The following OPCML variants were observed in gnomAD, a reference collection of about 807,000 sequenced individuals.
OPCML encodes the protein opioid-binding protein/cell adhesion molecule.
Under a neutral mutation model 37.8 loss-of-function variants are expected in OPCML, and 13 were observed. The ratio of observed to expected loss-of-function variants is 0.34; its 90% confidence interval spans 0.22 to 0.55. OPCML has a LOEUF of 0.55. Ranked by LOEUF, OPCML falls within the 20% of genes least tolerant of loss-of-function variation. The pLI is 0.91. For missense variants in OPCML, 341 were observed against 435.6 expected (o/e 0.78, Z 1.93); for synonymous variants, 176 against 168.8 (o/e 1.04, Z -0.33).
At chr11:132,757,119 AG>A (rs2136085389) in intron 2 of OPCML, among the ~76,000 whole-genome samples, 1 of 152,292 alleles carries the variant, frequency 6.6e-6, no homozygotes, top group African/African-American at 2.4e-5. Context: ...GTCCCTCCAA[AG>A]GACATGAACT....
intron 1 of OPCML, among the ~76,000 whole-genome samples, chr11:133,250,393 AAAGAAGGAAAG>A (rs1941086041): frequency 6.6e-6 from 1 of 151,706 alleles, no homozygotes; most frequent in Non-Finnish European, 1.5e-5. Context: ...AGGAAGGAAG[AAAGAAGGAAAG>A]AAGAAGGAAG....
At chr11:133,220,415 A>C (rs933610460) in intron 1 of OPCML, among the ~76,000 whole-genome samples, 1 of 152,132 alleles carries the variant, frequency 6.6e-6, no homozygotes, top group Non-Finnish European at 1.5e-5. Flanking sequence ...GCTATTCCAC[A>C]TGAAGGCCAC....
chr11:133,068,882 G>T (rs1418919166), intron 1 of OPCML, among the ~76,000 whole-genome samples: 1 of 152,180 alleles, frequency 6.6e-6, no homozygotes, highest in African/African-American at 2.4e-5. Flanking sequence ...ATACCAAAGA[G>T]GTAGGTGGCG....
At chr11:133,005,840 C>T in intron 1 of OPCML, 1 of 985,340 alleles carries the variant, frequency 1.0e-6, no homozygotes, top group Non-Finnish European at 1.2e-6. Context: ...CTGCTCTTTG[C>T]TGCCTAGGAT....
At chr11:133,060,906 C>T (rs553193575) in intron 1 of OPCML, among the ~76,000 whole-genome samples, 3 of 152,354 alleles carry the variant, frequency 2.0e-5, no homozygotes, top group East Asian at 1.9e-4. Context: ...TCCAAGTTTG[C>T]CCCCCTCAAC....
At chr11:133,216,481 C>T (rs371732831) in intron 1 of OPCML, among the ~76,000 whole-genome samples, 5 of 152,226 alleles carry the variant, frequency 3.3e-5, no homozygotes, top group African/African-American at 1.2e-4. Context: ...GAATGAGGCA[C>T]TCATTCTTCA....
chr11:133,131,758 A>C (rs1257685640), intron 1 of OPCML, among the ~76,000 whole-genome samples: 1 of 152,206 alleles, frequency 6.6e-6, no homozygotes, highest in Non-Finnish European at 1.5e-5. Context: ...GTGCTGTCTT[A>C]ACATGTTTGA....
rs367924216 is a variant in OPCML at position 133,015,337 on chromosome 11, AAGGG to A, written c.62-72331_62-72328del. On this transcript the variant is annotated intron_variant, in intron 1 of 7. Transcript: ENST00000524381. ...GAAGAAAGAAAGGAAAAAAAGAAGG[AAGGG>A]AGGGAGGGAGGGAGGAAGGAAGGGA... 6.5e-3 allele frequency among the ~76,000 whole-genome samples: 925 copies of A among 142,180 alleles called. 16 individuals carry two copies. The highest frequency in any genetic ancestry group is 0.019 in the African/African-American group (729 of 39,014). The allele number at this position is 142,180 out of a possible 152,430, so 93.3% of individuals were successfully genotyped here. A position where few individuals can be genotyped will look rare whatever the true frequency, so the allele number is the denominator to read the frequency against.
chr11:133,229,890 T>C (rs1940202879), intron 1 of OPCML, among the ~76,000 whole-genome samples: 2 of 152,140 alleles, frequency 1.3e-5, no homozygotes, highest in Admixed American at 6.5e-5. Flanking sequence ...AGTTTTATTG[T>C]GTGTGTGTGG....
intron 1 of OPCML, among the ~76,000 whole-genome samples, chr11:132,947,754 C>A (rs1039941053): frequency 1.3e-5 from 2 of 152,166 alleles, no homozygotes; most frequent in Non-Finnish European, 2.9e-5. Context: ...CCTAGTGAAA[C>A]CCTCTTAGAT....
At chr11:132,769,231 G>C (rs1946558549) in intron 2 of OPCML, among the ~76,000 whole-genome samples, 1 of 144,412 alleles carries the variant, frequency 6.9e-6, no homozygotes, top group South Asian at 2.1e-4. Context: ...TTTGTTTTTT[G>C]GTTTGTTTGT....
chr11:133,409,697 A>C (rs917397256), intron 1 of OPCML, among the ~76,000 whole-genome samples: 1 of 152,192 alleles, frequency 6.6e-6, no homozygotes, highest in Non-Finnish European at 1.5e-5. Flanking sequence ...TAACCTATTC[A>C]GAATAAGAAA....
intron 4 of OPCML, among the ~76,000 whole-genome samples, chr11:132,514,985 G>A (rs897163172): frequency 6.6e-6 from 1 of 152,142 alleles, no homozygotes; most frequent in Admixed American, 6.5e-5. Context: ...GGACAAATAA[G>A]CATGGGCTAA....
intron 4 of OPCML, among the ~76,000 whole-genome samples, chr11:132,478,699 A>G (rs1476357577): frequency 6.6e-6 from 1 of 152,202 alleles, no homozygotes; most frequent in Non-Finnish European, 1.5e-5. Context: ...TCAAGATAAT[A>G]CTGCTTGAGC....
At chr11:132,722,113 G>T in intron 2 of OPCML, among the ~76,000 whole-genome samples, 1 of 151,610 alleles carries the variant, frequency 6.6e-6, no homozygotes, top group East Asian at 1.9e-4. Flanking sequence ...CCACCATCAT[G>T]CCTGGCTAAT....
chr11:132,730,035 A>C (rs1440221143), intron 2 of OPCML, among the ~76,000 whole-genome samples: 3 of 98,774 alleles, frequency 3.0e-5, no homozygotes, highest in African/African-American at 4.0e-5. Context: ...TTTTTTTGAG[A>C]CAGAGTCTTG....
At chr11:133,332,385 A>G (rs1008045060) in intron 1 of OPCML, among the ~76,000 whole-genome samples, 3 of 152,030 alleles carry the variant, frequency 2.0e-5, no homozygotes, top group Admixed American at 2.0e-4. Context: ...AGATAGTTTG[A>G]GTTTCTCTCT....
intron 3 of OPCML, among the ~76,000 whole-genome samples, chr11:132,639,365 T>A (rs937140696): frequency 6.6e-6 from 1 of 152,202 alleles, no homozygotes; most frequent in African/African-American, 2.4e-5. Context: ...CCTAACTATG[T>A]GCAAGGTGAC....
intron 1 of OPCML, among the ~76,000 whole-genome samples, chr11:132,953,985 G>T (rs1177153825): frequency 6.6e-6 from 1 of 152,204 alleles, no homozygotes; most frequent in Non-Finnish European, 1.5e-5. Flanking sequence ...GATTTTCTGG[G>T]TCTTAGAGAG....
Sources: allele counts gnomAD v4.1 joint callset (sites outside exome capture counted in the v4.1 genomes callset), GRCh38; gene constraint gnomAD v4.1.1; transcripts MANE v1.5; gene names NCBI Gene and HGNC (gene_info 2026-07-23, HGNC 2026-07-21).